Variants in LRRC8D observed in about 807,000 individuals in gnomAD.
LRRC8D encodes leucine rich repeat containing 8 VRAC subunit D, also known as volume-regulated anion channel subunit LRRC8D.
In LRRC8D, 20 loss-of-function variants were observed where a neutral mutation model predicts 55.8. The observed-to-expected ratio is 0.36, with a 90% CI of 0.25 to 0.52. The LOEUF (loss-of-function observed/expected upper bound fraction) is 0.52. Among genes scored for constraint, LRRC8D ranks in the 20% least tolerant of loss-of-function variants. LRRC8D has a pLI of 0.93. For synonymous variants in LRRC8D, 352 were observed against 377.0 expected (o/e 0.93, Z 0.77); for missense variants, 651 against 1,030.8 (o/e 0.63, Z 5.05).
chr1:89,928,509 C>G (rs993510698), intron 2 of LRRC8D, among the ~76,000 whole-genome samples: 6 of 152,074 alleles, frequency 3.9e-5, no homozygotes, highest in African/African-American at 1.4e-4. Context: ...CACAAAACTT[C>G]TGGTGGGGGG....
At chr1:89,896,424 A>G (rs1347065406) in intron 2 of LRRC8D, among the ~76,000 whole-genome samples, 5 of 152,148 alleles carry the variant, frequency 3.3e-5, no homozygotes, top group African/African-American at 1.2e-4. Context: ...GCCAAGCAGG[A>G]CCTAGAATGC....
intron 2 of LRRC8D, among the ~76,000 whole-genome samples, chr1:89,854,448 G>A (rs1182775703): frequency 6.6e-6 from 1 of 151,996 alleles, no homozygotes; most frequent in Admixed American, 6.6e-5. Flanking sequence ...ACAATAGAAC[G>A]CACAGGCCCT....
At chr1:89,917,655 G>A (rs1663308875) in intron 2 of LRRC8D, among the ~76,000 whole-genome samples, 2 of 152,030 alleles carry the variant, frequency 1.3e-5, no homozygotes, top group Non-Finnish European at 2.9e-5. Flanking sequence ...CCCTGATCTT[G>A]CCAGCTGGAG....
chr1:89,898,673 C>T (rs371714584), intron 2 of LRRC8D, among the ~76,000 whole-genome samples: 20 of 152,220 alleles, frequency 1.3e-4, no homozygotes, highest in South Asian at 2.1e-4. Flanking sequence ...GTGCTGTTCC[C>T]GAAATCAAGC....
Position 89,936,419 on chromosome 1 carries a change from T to C in LRRC8D, c.*774T>C, listed in dbSNP as rs1436061516. The stretch of plus-strand genomic sequence containing the variant: ...AGAAAATGTTTTCTAAAAATAAATT[T>C]TATTACAACAAAATAAAAATTTTAA... On this transcript the variant is annotated 3_prime_UTR_variant, in exon 3 of 3. Coordinates refer to ENST00000337338, the MANE Select transcript of LRRC8D (RefSeq NM_001134479.2). The C allele has an allele frequency of 1.2e-5, 2 of 162,426 alleles. No homozygotes were observed. The highest frequency in any genetic ancestry group is 2.9e-5 in the Non-Finnish European group (2 of 68,086). 10.1% of individuals were successfully genotyped at this position (162,426 alleles called of 1,614,324 possible).
rs138840492 is a variant in LRRC8D, at chr1:89,904,101, A to C, written c.-2-28966A>C. Among the ~76,000 whole-genome samples the C allele has an allele frequency of 4.9e-4, 74 of 152,330 alleles. 1 individual carries two copies. Among genetic ancestry groups the C allele is most frequent in the African/African-American group, 1.7e-3 (69 of 41,584 alleles). On this transcript the variant is annotated intron_variant, in intron 2 of 2. Coordinates refer to ENST00000337338, the MANE Select transcript of LRRC8D (RefSeq NM_001134479.2). ...CAAACCAGAGAGGGCCTAAAGAATT[A>C]AAGTGGGTGGGGCAGGATGAAAACA...
chr1:89,890,974 C>T (rs1024409725), intron 2 of LRRC8D, among the ~76,000 whole-genome samples: 7 of 152,148 alleles, frequency 4.6e-5, no homozygotes, highest in Admixed American at 1.3e-4. Flanking sequence ...CTCCGCCTCC[C>T]GGGTTCACAC....
rs573685897 is a variant in LRRC8D at position 89,869,688 on chromosome 1, A to G, written c.-3+25906A>G. 5.1e-4 allele frequency among the ~76,000 whole-genome samples: 77 copies of G among 152,310 alleles called. 1 individual carries two copies. The highest frequency in any genetic ancestry group is 5.0e-3 in the Admixed American group (77 of 15,300). ...TCACCAAGGCAGAAATGAAGGAAAA[A>G]ATGTTAAGGGCAACCAGAGAGAAAG... On this transcript the variant is annotated intron_variant, in intron 2 of 2. Transcript: ENST00000337338.
chr1:89,869,548 C>T (rs931033389), intron 2 of LRRC8D, among the ~76,000 whole-genome samples: 1 of 152,092 alleles, frequency 6.6e-6, no homozygotes, highest in African/African-American at 2.4e-5. Flanking sequence ...GGATATTATC[C>T]AGGAGAACTT....
chr1:89,894,145 C>T (rs1191810828), intron 2 of LRRC8D, among the ~76,000 whole-genome samples: 1 of 152,188 alleles, frequency 6.6e-6, no homozygotes, highest in Non-Finnish European at 1.5e-5. Flanking sequence ...CCTTTTCTCA[C>T]CATGTGAGGA....
intron 2 of LRRC8D, among the ~76,000 whole-genome samples, chr1:89,899,026 A>G (rs1331818359): frequency 2.6e-5 from 4 of 152,206 alleles, no homozygotes; most frequent in African/African-American, 9.6e-5. Context: ...TTCATCTTAA[A>G]TTTAGATCAA....
At chr1:89,919,222 T>C (rs1272092629) in intron 2 of LRRC8D, among the ~76,000 whole-genome samples, 2 of 152,208 alleles carry the variant, frequency 1.3e-5, no homozygotes, top group Non-Finnish European at 2.9e-5. Context: ...TTTTCTCTCA[T>C]ACTAACTTTG....
intron 2 of LRRC8D, among the ~76,000 whole-genome samples, chr1:89,875,088 T>TA (rs906011940): frequency 9.2e-5 from 14 of 152,160 alleles, no homozygotes; most frequent in Non-Finnish European, 1.9e-4. Flanking sequence ...AATATGAGGA[T>TA]AAAAAAAACC....
chr1:89,837,552 T>G (rs1284244525), intron 1 of LRRC8D, among the ~76,000 whole-genome samples: 1 of 152,256 alleles, frequency 6.6e-6, no homozygotes, highest in Non-Finnish European at 1.5e-5. Flanking sequence ...AGTGTGACTT[T>G]GGGCAAATTA....
intron 2 of LRRC8D, among the ~76,000 whole-genome samples, chr1:89,857,887 T>C (rs1366938849): frequency 6.6e-6 from 1 of 152,240 alleles, no homozygotes; most frequent in Non-Finnish European, 1.5e-5. Context: ...CTCTTCACTA[T>C]CTTTCAAAAA....
chr1:89,925,564 C>T (rs145851498), intron 2 of LRRC8D, among the ~76,000 whole-genome samples: 2 of 152,258 alleles, frequency 1.3e-5, no homozygotes, highest in Non-Finnish European at 2.9e-5. Flanking sequence ...ACCCATGTTA[C>T]AAACCTGCAC....
At chr1:89,928,296 C>T (rs760966533) in intron 2 of LRRC8D, among the ~76,000 whole-genome samples, 22 of 152,138 alleles carry the variant, frequency 1.4e-4, no homozygotes, top group Non-Finnish European at 3.1e-4. Context: ...GTCTCAAACT[C>T]CTGACCTCAG....
At position 89,827,392 on chromosome 1, in the gene LRRC8D, C is replaced by T. The variant is rs1220743222; in HGVS notation, c.-148+6101C>T. Among the ~76,000 whole-genome samples, 6 of 150,784 alleles carry T rather than the reference C, an allele frequency of 4.0e-5. 1 individual carries two copies. The South Asian group carries it at 1.3e-3, about 32-fold the overall frequency. ...TGGGGAAAAAAATACAAAATATAGT[C>T]TTAATTGAGTTTTCACTGTGTTTTT... On this transcript the variant is annotated intron_variant, in intron 1 of 2. Transcript: ENST00000337338.
In LRRC8D at chr1:89,933,828, A is replaced by G; in HGVS notation, c.760A>G (p.Ile254Val). The change falls in exon 3 of 3, where the codon ATC becomes GTC. Residue 254 changes from isoleucine (I) to valine (V), a missense_variant. Ile to Val is a conservative substitution (Grantham distance 29). This residue lies in a region of LRRC8D where 178 missense variants were observed against 374.9 expected (regional missense o/e 0.47). Coordinates refer to ENST00000337338, the MANE Select transcript of LRRC8D (RefSeq NM_001134479.2). This position sits in a 1 kb window ranked among gnomAD's most constrained non-coding sequence, Gnocchi z 7.0. ...GAGCCCCAGTGCCAGTACACCAATGATCAATAAAACTGGCTTTAAATTTTC... is the reference window on the plus strand; with the variant it reads ...GAGCCCCAGTGCCAGTACACCAATGGTCAATAAAACTGGCTTTAAATTTTC... ...EGSPSASTPM[I>V]NKTGFKFSAE... 6.2e-7 allele frequency: 1 copy of G among 1,614,146 alleles called. No homozygotes were observed. The highest frequency in any genetic ancestry group is 8.5e-7 in the Non-Finnish European group (1 of 1,180,008).
Sources: gnomAD v4.1 joint callset for allele counts (sites outside exome capture counted in the v4.1 genomes callset) on GRCh38, gnomAD v4.1.1 for gene constraint, gnomAD v4.1.1 regional missense constraint, Gnocchi (gnomAD v3.1) non-coding constraint, MANE v1.5 for transcripts, NCBI Gene and HGNC (gene_info 2026-07-23, HGNC 2026-07-21) for gene names.